Variants in SH3BP4 observed in about 807,000 individuals in gnomAD.
SH3BP4 encodes SH3 domain binding protein 4.
In SH3BP4, 33 loss-of-function variants were observed where a neutral mutation model predicts 65.5. That is an observed-to-expected ratio of 0.50 (90% CI 0.38 to 0.67). The LOEUF is 0.67. SH3BP4 is among the 30% of genes least tolerant of loss of function. The pLI, the probability that SH3BP4 is intolerant of heterozygous loss-of-function variation, is 0.00. For missense variants in SH3BP4, 1,134 were observed against 1,261.4 expected (o/e 0.90, Z 1.53); for synonymous variants, 552 against 545.5 (o/e 1.01, Z -0.17).
intron 2 of SH3BP4, among the ~76,000 whole-genome samples, chr2:235,001,832 T>C (rs1291313076): frequency 1.3e-5 from 2 of 152,160 alleles, no homozygotes; most frequent in East Asian, 3.9e-4. Flanking sequence ...ATGAATTGGC[T>C]CTCAAAGGAG....
intron 2 of SH3BP4, chr2:234,996,082 A>G (rs1331118717): frequency 6.6e-6 from 1 of 152,190 alleles, no homozygotes; most frequent in African/African-American, 2.4e-5. Context: ...GTTGGATAGG[A>G]TCACCTACCT....
intron 1 of SH3BP4, among the ~76,000 whole-genome samples, chr2:234,989,190 T>A (rs1174526967): frequency 1.3e-5 from 2 of 152,210 alleles, no homozygotes; most frequent in Non-Finnish European, 2.9e-5. Context: ...GAAGTCTCTG[T>A]GTAGTCTTGG....
In SH3BP4 at chr2:234,982,841, CAG is replaced by C. The variant is rs148065625; in HGVS notation, c.-206-12461_-206-12460del. 2.7e-3 allele frequency among the ~76,000 whole-genome samples: 401 copies of C among 150,694 alleles called. 3 individuals are homozygous for C. The highest frequency in any genetic ancestry group is 9.6e-3 in the African/African-American group (391 of 40,866). ...AACTGCAGAGAACCCCGAAATGGGGCAGGGAAGCCTGGCTCCAAGGGAGGAAG... is the reference window on the plus strand; with the variant it reads ...AACTGCAGAGAACCCCGAAATGGGGCGGAAGCCTGGCTCCAAGGGAGGAAG... On this transcript the variant is annotated intron_variant, in intron 1 of 5. Coordinates refer to ENST00000392011, the MANE Select transcript of SH3BP4 (RefSeq NM_014521.3).
chr2:234,975,231 G>C (rs182647291), intron 1 of SH3BP4, among the ~76,000 whole-genome samples: 9 of 152,314 alleles, frequency 5.9e-5, no homozygotes, highest in African/African-American at 2.2e-4. Context: ...TAACATCGGG[G>C]ACAGCAGCAG....
intron 4 of SH3BP4, among the ~76,000 whole-genome samples, chr2:235,044,873 G>A (rs1005671827): frequency 6.6e-6 from 1 of 152,240 alleles, no homozygotes; most frequent in Admixed American, 6.5e-5. Context: ...CAGAAGCATG[G>A]AGCCACGAGA....
Position 235,041,664 on chromosome 2 carries a change from G to C in SH3BP4, c.895G>C (p.Asp299His). ...CAGGAAGCTGGCCCGGTCTTGCCACGACCTGGACTTGCTTGGCCAAAGCCC... is the reference window on the plus strand; with the variant it reads ...CAGGAAGCTGGCCCGGTCTTGCCACCACCTGGACTTGCTTGGCCAAAGCCC... ...NHRKLARSCH[D>H]LDLLGQSPGW... Residue 299 changes from aspartate to histidine, a missense_variant, in exon 4 of 6, where the codon GAC becomes CAC. By Grantham distance (81) the Asp-to-His change is moderately conservative (BLOSUM62 -1). Coordinates refer to ENST00000392011, the MANE Select transcript of SH3BP4 (RefSeq NM_014521.3). This position sits in a 1 kb window ranked among gnomAD's most constrained non-coding sequence, Gnocchi z 6.0. The C allele has an allele frequency of 1.2e-6, 2 of 1,613,730 alleles. No homozygotes were observed. The highest frequency in any genetic ancestry group is 1.7e-4 in the Middle Eastern group (1 of 6,060).
At position 234,997,517 on chromosome 2, in the gene SH3BP4, A is replaced by C. The variant is rs142270142; in HGVS notation, c.-133+2141A>C. Among the ~76,000 whole-genome samples, 780 of 152,304 alleles carry C rather than the reference A, an allele frequency of 5.1e-3. 6 individuals are homozygous for C. The highest frequency in any genetic ancestry group is 0.014 in the South Asian group (69 of 4,826). On this transcript the variant is annotated intron_variant, in intron 2 of 5. Coordinates refer to ENST00000392011, the MANE Select transcript of SH3BP4 (RefSeq NM_014521.3). The surrounding 1 kb of genome is among the most constrained non-coding windows in gnomAD (Gnocchi z 4.2). ...GAAATGCTCCCTGACTCAGTTCCTG[A>C]GACCAGAATGACTGAGGAAACAGGA...
chr2:234,996,184 C>T (rs1376653116), intron 2 of SH3BP4, among the ~76,000 whole-genome samples: 1 of 152,184 alleles, frequency 6.6e-6, no homozygotes, highest in African/African-American at 2.4e-5. Context: ...GTAAACGCTA[C>T]GTTTGGATGC....
At position 234,968,930 on chromosome 2, in the gene SH3BP4, A is replaced by G. The variant is rs552235692; in HGVS notation, c.-207+16760A>G. On this transcript the variant is annotated intron_variant, in intron 1 of 5. Coordinates refer to ENST00000392011, the MANE Select transcript of SH3BP4 (RefSeq NM_014521.3). ...CAAGTGATTCTTTCTGCCAGTTTTC[A>G]TATTTGGTGTTGTAACTCACACAGT... Among the ~76,000 whole-genome samples, 25 of 152,164 alleles carry G rather than the reference A, an allele frequency of 1.6e-4. 1 individual carries two copies. The South Asian group carries it at 4.8e-3, about 29-fold the overall frequency.
intron 1 of SH3BP4, among the ~76,000 whole-genome samples, chr2:234,982,803 G>A (rs754959710): frequency 3.9e-5 from 6 of 152,174 alleles, no homozygotes; most frequent in Non-Finnish European, 8.8e-5. Flanking sequence ...GTCTGTCCAC[G>A]TGGGGTAGGG....
At chr2:234,995,109 CA>C (rs1693870714) in intron 1 of SH3BP4, 193 bp from the exon 2 acceptor site, 2 of 152,282 alleles carry the variant, frequency 1.3e-5, no homozygotes, top group Non-Finnish European at 2.9e-5. Flanking sequence ...TTCCGCTGGC[CA>C]CTCTCCAGAG....
At chr2:234,957,785 G>A (rs913376548) in intron 1 of SH3BP4, among the ~76,000 whole-genome samples, 1 of 152,044 alleles carries the variant, frequency 6.6e-6, no homozygotes, top group African/African-American at 2.4e-5. Flanking sequence ...GAAGAAAGCT[G>A]AGGGGGTGCA....
intron 1 of SH3BP4, among the ~76,000 whole-genome samples, chr2:234,965,588 T>A (rs1166884605): frequency 6.6e-6 from 1 of 152,194 alleles, no homozygotes. Context: ...AGTGAAAAGC[T>A]GGGAGATGAT....
chr2:235,050,729 C>G (rs145906372), intron 4 of SH3BP4, among the ~76,000 whole-genome samples: 37 of 152,176 alleles, frequency 2.4e-4, no homozygotes, highest in African/African-American at 8.7e-4. Context: ...AACAGCTGGG[C>G]TCGCTTTGAA....
chr2:234,987,607 C>T (rs568714930), intron 1 of SH3BP4, among the ~76,000 whole-genome samples: 30 of 152,248 alleles, frequency 2.0e-4, no homozygotes, highest in Admixed American at 1.7e-3. Flanking sequence ...CTTATTCATG[C>T]GAGAGAGTTC....
Position 235,038,275 on chromosome 2 carries a change from TATATATTATATATA to T in SH3BP4, c.119-2606_119-2593del, listed in dbSNP as rs1241945659. On this transcript the variant is annotated intron_variant, in intron 3 of 5. Coordinates refer to ENST00000392011, the MANE Select transcript of SH3BP4 (RefSeq NM_014521.3). ...TATATATAATATATATTATATATAATATATATTATATATAATATATATATTATATATATATATTA... is the reference window on the plus strand; with the variant it reads ...TATATATAATATATATTATATATAATATATATATATTATATATATATATTA... Among the ~76,000 whole-genome samples the T allele has an allele frequency of 5.3e-4, 10 of 18,778 alleles. No individual in the cohort carries two copies. In the African/African-American group the frequency reaches 7.2e-3, roughly 14 times the overall value. 12.3% of individuals were successfully genotyped at this position (18,778 alleles called of 152,430 possible).
At chr2:234,972,748 G>A (rs994528048) in intron 1 of SH3BP4, among the ~76,000 whole-genome samples, 4 of 152,098 alleles carry the variant, frequency 2.6e-5, no homozygotes, top group African/African-American at 9.7e-5. Flanking sequence ...AAGCTCAAGT[G>A]AATTGTTTTA....
Position 234,959,716 on chromosome 2 carries a change from A to G in SH3BP4, c.-207+7546A>G, listed in dbSNP as rs1183956636. On this transcript the variant is annotated intron_variant, in intron 1 of 5. Coordinates refer to ENST00000392011, the MANE Select transcript of SH3BP4 (RefSeq NM_014521.3). ...GCCCACGCTGGAGTGCAATGGCACG[A>G]TCTCGGCTGATTGCAACCTCCGCCT... is the stretch of plus-strand genomic sequence containing the variant. 4.7e-5 allele frequency among the ~76,000 whole-genome samples: 7 copies of G among 148,850 alleles called. No homozygotes were observed. In the East Asian group the frequency reaches 1.2e-3, roughly 25 times the overall value.
chr2:235,029,378 G>A lies in SH3BP4; in HGVS notation c.-132-5493G>A, dbSNP rs1365223118. Among the ~76,000 whole-genome samples the A allele has an allele frequency of 2.6e-5, 4 of 152,334 alleles. No homozygotes were observed. In the East Asian group the frequency reaches 7.7e-4, roughly 29 times the overall value. ...CAAGATGCACCTTAGGTACTGAAGGGAGCGCTTGGTGGGCAGGTGGGTGTC... is the reference window on the plus strand; with the variant it reads ...CAAGATGCACCTTAGGTACTGAAGGAAGCGCTTGGTGGGCAGGTGGGTGTC... On this transcript the variant is annotated intron_variant, in intron 2 of 5. Transcript: ENST00000392011.
Sources: allele counts gnomAD v4.1 joint callset (sites outside exome capture counted in the v4.1 genomes callset), GRCh38; gene constraint gnomAD v4.1.1; non-coding constraint Gnocchi (gnomAD v3.1); transcripts MANE v1.5; gene names NCBI Gene and HGNC (gene_info 2026-07-23, HGNC 2026-07-21).